FIP1L1: variants seen among roughly 807,000 people sequenced by gnomAD.
FIP1L1 encodes pre-mRNA 3'-end-processing factor FIP1.
Under a neutral mutation model 84.6 loss-of-function variants are expected in FIP1L1, and 21 were observed. The observed-to-expected ratio is 0.25, with a 90% CI of 0.18 to 0.36. The LOEUF (loss-of-function observed/expected upper bound fraction) is 0.36, where lower values mean the gene tolerates loss of function less well. Ranked by LOEUF, FIP1L1 falls within the 10% of genes least tolerant of loss-of-function variation. The pLI is 1.00. For missense variants in FIP1L1, 526 were observed against 751.1 expected, an observed-to-expected ratio of 0.70 and a Z score of 3.50; for synonymous variants, 263 against 242.3, an observed-to-expected ratio of 1.09 and a Z score of -0.80.
chr4:53,411,617 A>C (rs1341376728), intron 10 of FIP1L1, among the ~76,000 whole-genome samples: 1 of 152,192 alleles, frequency 6.6e-6, no homozygotes, highest in Non-Finnish European at 1.5e-5. Context: ...GATGTTTAAG[A>C]CTAATGAGCT....
intron 9 of FIP1L1, among the ~76,000 whole-genome samples, chr4:53,391,782 A>T (rs538726431): frequency 6.6e-6 from 1 of 152,352 alleles, no homozygotes; most frequent in South Asian, 2.1e-4. Context: ...TAGAAAAGTT[A>T]GTGGCAACAG....
intron 9 of FIP1L1, among the ~76,000 whole-genome samples, chr4:53,397,846 A>T (rs1248015060): frequency 6.6e-6 from 1 of 152,064 alleles, no homozygotes; most frequent in Non-Finnish European, 1.5e-5. Context: ...TTATATGGGG[A>T]AGACTTGTAG....
At chr4:53,439,927 A>G (rs1267844042) in intron 13 of FIP1L1, among the ~76,000 whole-genome samples, 1 of 152,060 alleles carries the variant, frequency 6.6e-6, no homozygotes, top group Non-Finnish European at 1.5e-5. Flanking sequence ...AATGTGTACA[A>G]ATAATGAGTG....
At chr4:53,407,799 A>C (rs973360189) in intron 10 of FIP1L1, among the ~76,000 whole-genome samples, 4 of 152,030 alleles carry the variant, frequency 2.6e-5, no homozygotes, top group African/African-American at 9.7e-5. Context: ...CTGTTTTATC[A>C]GAGACTAGGA....
At chr4:53,394,290 T>C (rs1271055590) in intron 9 of FIP1L1, among the ~76,000 whole-genome samples, 2 of 152,224 alleles carry the variant, frequency 1.3e-5, no homozygotes, top group Non-Finnish European at 2.9e-5. Flanking sequence ...TAGACTTTTC[T>C]GAAATGTTTG....
At chr4:53,428,873 C>G (rs1449965764) in intron 13 of FIP1L1, among the ~76,000 whole-genome samples, 1 of 152,162 alleles carries the variant, frequency 6.6e-6, no homozygotes, top group Non-Finnish European at 1.5e-5. Context: ...ATAATAATTA[C>G]TTCTTCCCAG....
intron 16 of FIP1L1, among the ~76,000 whole-genome samples, chr4:53,458,197 G>C (rs1356977762): frequency 6.6e-6 from 1 of 152,086 alleles, no homozygotes; most frequent in Non-Finnish European, 1.5e-5. Flanking sequence ...GTAATTGTGA[G>C]TCGTGTATTT....
chr4:53,381,600 T>C (rs2149264785), intron 3 of FIP1L1, among the ~76,000 whole-genome samples: 1 of 152,276 alleles, frequency 6.6e-6, no homozygotes, highest in South Asian at 2.1e-4. Context: ...TATTTGGTGA[T>C]TGTGCTATAA....
rs1721838979 is a variant in FIP1L1 at position 53,460,690 on chromosome 4, T to A, written c.*1241T>A. ...AAATATAAACAATGTTGTAGAGTAATGAGAAATCCTCCACACTGAAAAAAA... is the reference window on the plus strand; with the variant it reads ...AAATATAAACAATGTTGTAGAGTAAAGAGAAATCCTCCACACTGAAAAAAA... On this transcript the variant is annotated 3_prime_UTR_variant, in exon 18 of 18. Coordinates refer to ENST00000337488, the MANE Select transcript of FIP1L1 (RefSeq NM_030917.4). 1 of 491,836 alleles carries A rather than the reference T, an allele frequency of 2.0e-6. No homozygotes were observed. The highest frequency in any genetic ancestry group is 2.9e-5 in the South Asian group (1 of 34,868). 30.5% of individuals were successfully genotyped at this position (491,836 alleles called of 1,614,324 possible). A position where few individuals can be genotyped will look rare whatever the true frequency, so the allele number is the denominator to read the frequency against.
chr4:53,377,862 C>A lies in FIP1L1; in HGVS notation c.24C>A (p.Arg8=). The part of the protein sequence containing the change: MSAGEVE[R]LVSELSGGTG... ...CCATGTCGGCCGGCGAGGTCGAGCG[C>A]CTAGTGTCGGAGCTGAGCGGCGGGA... The change falls in exon 1 of 18, where the codon CGC becomes CGA. Residue 8 remains arginine (R), a synonymous_variant. Transcript: ENST00000337488. 1.3e-6 allele frequency: 2 copies of A among 1,597,620 alleles called. No homozygotes were observed. The highest frequency in any genetic ancestry group is 1.7e-6 in the Non-Finnish European group (2 of 1,172,158).
chr4:53,420,158 A>G (rs1761618497), intron 11 of FIP1L1, among the ~76,000 whole-genome samples: 1 of 125,520 alleles, frequency 8.0e-6, no homozygotes, highest in South Asian at 2.8e-4. Context: ...AGATCGCGCC[A>G]CTGCACTCCA....
At chr4:53,414,772 T>C (rs1758711147) in intron 11 of FIP1L1, 50 bp downstream of exon 11, 1 of 1,183,392 alleles carries the variant, frequency 8.5e-7, no homozygotes, top group African/African-American at 1.5e-5. Context: ...AGATCATCAA[T>C]GTTGTTATGC....
intron 16 of FIP1L1, among the ~76,000 whole-genome samples, chr4:53,455,338 C>T (rs1438411733): frequency 1.3e-5 from 2 of 152,282 alleles, no homozygotes; most frequent in East Asian, 3.9e-4. Context: ...CCTATCATTA[C>T]TTTTGACATG....
At chr4:53,400,754 G>A (rs891932262) in intron 10 of FIP1L1, among the ~76,000 whole-genome samples, 4 of 152,136 alleles carry the variant, frequency 2.6e-5, no homozygotes, top group African/African-American at 7.2e-5. Flanking sequence ...AGTGATCCAG[G>A]ATTTTTGTGA....
At chr4:53,425,802 C>T in intron 11 of FIP1L1, 70 bp from the exon 12 acceptor site, 7 of 1,099,148 alleles carry the variant, frequency 6.4e-6, no homozygotes, top group South Asian at 3.0e-5. Flanking sequence ...GTTTTTATTT[C>T]TCACTGCTTT....
At chr4:53,452,300 T>A (rs1716528950) in intron 15 of FIP1L1, among the ~76,000 whole-genome samples, 1 of 152,116 alleles carries the variant, frequency 6.6e-6, no homozygotes, top group Non-Finnish European at 1.5e-5. Flanking sequence ...TTTTCTAGGT[T>A]GAAATTTTTT....
chr4:53,380,143 A>G (rs1737017668), intron 3 of FIP1L1, among the ~76,000 whole-genome samples: 1 of 149,996 alleles, frequency 6.7e-6, no homozygotes, highest in South Asian at 2.1e-4. Context: ...TCCACCTTAG[A>G]GGAATGAAAA....
chr4:53,450,295 T>C (rs1775859690), intron 15 of FIP1L1, among the ~76,000 whole-genome samples: 2 of 152,224 alleles, frequency 1.3e-5, no homozygotes, highest in Non-Finnish European at 2.9e-5. Context: ...CCATGAATTA[T>C]CAGAAATGTG....
intron 10 of FIP1L1, among the ~76,000 whole-genome samples, chr4:53,408,625 G>A (rs1011057186): frequency 6.6e-6 from 1 of 152,124 alleles, no homozygotes; most frequent in Non-Finnish European, 1.5e-5. Context: ...GTCACTTTCA[G>A]GTACACCAAT....
Sources: gnomAD v4.1 joint callset for allele counts (sites outside exome capture counted in the v4.1 genomes callset) on GRCh38, gnomAD v4.1.1 for gene constraint, MANE v1.5 for transcripts, NCBI Gene and HGNC (gene_info 2026-07-23, HGNC 2026-07-21) for gene names.